Variants in HMGCLL1 observed in about 807,000 individuals in gnomAD.
HMGCLL1 encodes 3-hydroxy-3-methylglutaryl-CoA lyase like 1.
Under a neutral mutation model 39.1 loss-of-function variants are expected in HMGCLL1, and 36 were observed. The observed-to-expected ratio is 0.92, with a 90% CI of 0.71 to 1.22. HMGCLL1 has a LOEUF of 1.22. Among genes scored for constraint, HMGCLL1 ranks in the 50% most tolerant of loss-of-function variants. HMGCLL1 has a pLI of 0.00. For synonymous variants in HMGCLL1, 149 were observed against 144.0 expected (o/e 1.03, Z -0.25); for missense variants, 451 against 416.5 (o/e 1.08, Z -0.72).
chr6:55,506,492 C>A (rs544634882), intron 5 of HMGCLL1, among the ~76,000 whole-genome samples: 7 of 151,758 alleles, frequency 4.6e-5, no homozygotes, highest in African/African-American at 1.2e-4. Flanking sequence ...TGCAGTCAAC[C>A]ATGGTCTGAA....
chr6:55,456,598 C>A (rs1764332273), intron 7 of HMGCLL1, among the ~76,000 whole-genome samples: 1 of 152,126 alleles, frequency 6.6e-6, no homozygotes, highest in Admixed American at 6.5e-5. Flanking sequence ...AGAGTTCAGC[C>A]AACAGTAAGC....
chr6:55,598,855 G>A, the HMGCLL1 span, among the ~76,000 whole-genome samples: 25 of 152,064 alleles, frequency 1.6e-4, no homozygotes, highest in African/African-American at 5.6e-4. Flanking sequence ...ACTTTTATGT[G>A]TGCATATTTG....
chr6:55,525,243 GA>G (rs1024798940), intron 3 of HMGCLL1, among the ~76,000 whole-genome samples: 3 of 151,386 alleles, frequency 2.0e-5, no homozygotes, highest in Non-Finnish European at 3.0e-5. Flanking sequence ...GAGGCATAAT[GA>G]AAAAAAGGAT....
chr6:55,471,890 C>T (rs1765064601), intron 7 of HMGCLL1, among the ~76,000 whole-genome samples: 1 of 151,658 alleles, frequency 6.6e-6, no homozygotes, highest in South Asian at 2.1e-4. Flanking sequence ...ATTAGTTTTG[C>T]ATGTTCATGA....
chr6:55,498,182 C>G (rs770072629), intron 6 of HMGCLL1, among the ~76,000 whole-genome samples: 11 of 152,066 alleles, frequency 7.2e-5, no homozygotes, highest in Non-Finnish European at 1.3e-4. Flanking sequence ...TGCTGGTAAG[C>G]AAAGGTGGAT....
the HMGCLL1 span, among the ~76,000 whole-genome samples, chr6:55,663,566 G>A: frequency 1.3e-5 from 2 of 151,614 alleles, no homozygotes; most frequent in Non-Finnish European, 1.5e-5. Context: ...CAGTTCTTTT[G>A]CATTTGCTGA....
At chr6:55,593,333 A>C in the HMGCLL1 span, among the ~76,000 whole-genome samples, 9 of 152,164 alleles carry the variant, frequency 5.9e-5, no homozygotes, top group Non-Finnish European at 1.3e-4. Flanking sequence ...AAAACAATTA[A>C]AATTAGTTTT....
chr6:55,607,857 C>T, the HMGCLL1 span, among the ~76,000 whole-genome samples: 95 of 152,282 alleles, frequency 6.2e-4, no homozygotes, highest in African/African-American at 1.9e-3. Flanking sequence ...CCACCTGTGC[C>T]ACTAAATATT....
the HMGCLL1 span, among the ~76,000 whole-genome samples, chr6:55,671,050 G>A: frequency 2.6e-5 from 4 of 151,782 alleles, no homozygotes; most frequent in African/African-American, 9.6e-5. Flanking sequence ...GGAAAATTAC[G>A]CAATGATAAA....
chr6:55,530,750 T>C (rs1213504568), intron 3 of HMGCLL1, among the ~76,000 whole-genome samples: 2 of 152,172 alleles, frequency 1.3e-5, no homozygotes, highest in South Asian at 4.1e-4. Context: ...TCTAAGTCTC[T>C]ATGTTTACTA....
At chr6:55,593,870 A>G in the HMGCLL1 span, among the ~76,000 whole-genome samples, 11 of 152,296 alleles carry the variant, frequency 7.2e-5, no homozygotes, top group Admixed American at 2.6e-4. Flanking sequence ...AAAAATCAGA[A>G]CCACGGAGAG....
chr6:55,566,145 T>C (rs548815462), intron 1 of HMGCLL1, among the ~76,000 whole-genome samples: 3 of 152,102 alleles, frequency 2.0e-5, no homozygotes, highest in Non-Finnish European at 4.4e-5. Flanking sequence ...AAAAAGTGAA[T>C]GCCAGACTCT....
At chr6:55,538,235 G>C (rs989069101) in intron 3 of HMGCLL1, among the ~76,000 whole-genome samples, 22 of 152,202 alleles carry the variant, frequency 1.4e-4, no homozygotes, top group Admixed American at 1.2e-3. Flanking sequence ...AAACAAAAAA[G>C]AATTTCAAAG....
intron 7 of HMGCLL1, among the ~76,000 whole-genome samples, chr6:55,456,673 C>A (rs940843172): frequency 6.6e-6 from 1 of 152,118 alleles, no homozygotes; most frequent in African/African-American, 2.4e-5. Context: ...TCAAGTAGAG[C>A]CCATATTTTC....
At position 55,514,207 on chromosome 6, in the gene HMGCLL1, T is replaced by C. The variant is rs765637698; in HGVS notation, c.394-11A>G. 1.3e-6 allele frequency: 2 copies of C among 1,591,612 alleles called. No individual in the cohort carries two copies. Among genetic ancestry groups the C allele is most frequent in the Admixed American group, 3.7e-5 (2 of 54,080 alleles). On this transcript the variant is annotated splice_polypyrimidine_tract_variant and intron_variant, in intron 4 of 8. Coordinates refer to ENST00000274901, the MANE Select transcript of HMGCLL1 (RefSeq NM_001042406.2). The stretch of plus-strand genomic sequence containing the variant: ...AGCTCCAGCAGCAACCTGAAAAATA[T>C]ATAATTTAAAGCCAAATCTAATAAC...
At chr6:55,596,019 G>A in the HMGCLL1 span, among the ~76,000 whole-genome samples, 2 of 152,064 alleles carry the variant, frequency 1.3e-5, no homozygotes, top group Non-Finnish European at 2.9e-5. Flanking sequence ...TTGTGATGGC[G>A]TTTTATTAAA....
At chr6:55,445,936 C>T (rs535136261) in intron 7 of HMGCLL1, among the ~76,000 whole-genome samples, 5 of 152,006 alleles carry the variant, frequency 3.3e-5, no homozygotes, top group Non-Finnish European at 5.9e-5. Flanking sequence ...ATCAAACAAA[C>T]GGGTTTTCTG....
intron 3 of HMGCLL1, among the ~76,000 whole-genome samples, chr6:55,527,839 T>G (rs1322715337): frequency 6.6e-6 from 1 of 152,062 alleles, no homozygotes; most frequent in African/African-American, 2.4e-5. Context: ...AACAAGATAG[T>G]CAAGGATATT....
chr6:55,549,793 T>C (rs191191572), intron 1 of HMGCLL1, among the ~76,000 whole-genome samples: 81 of 152,074 alleles, frequency 5.3e-4, no homozygotes, highest in Middle Eastern at 6.8e-3. Context: ...CCATATTGAT[T>C]ATATAACAAT....
Sources: allele counts gnomAD v4.1 joint callset (sites outside exome capture counted in the v4.1 genomes callset), GRCh38; gene constraint gnomAD v4.1.1; transcripts MANE v1.5; gene names NCBI Gene and HGNC (gene_info 2026-07-23, HGNC 2026-07-21).